Variants in DAB1 observed in about 807,000 individuals in gnomAD.
DAB1 encodes the protein DAB adaptor protein 1, also known as disabled homolog 1.
A neutral mutation model predicts 64.6 loss-of-function variants in DAB1; 15 were observed. The ratio of observed to expected loss-of-function variants is 0.23; its 90% CI spans 0.16 to 0.36. The LOEUF (loss-of-function observed/expected upper bound fraction) is 0.36. Ranked by LOEUF, DAB1 falls within the 10% of genes least tolerant of loss-of-function variation. The pLI, the probability that DAB1 is intolerant of heterozygous loss-of-function variation, is 1.00. For synonymous variants in DAB1, 235 were observed against 251.9 expected, an observed-to-expected ratio of 0.93 and a Z score of 0.64; for missense variants, 596 against 706.7, an observed-to-expected ratio of 0.84 and a Z score of 1.78.
chr1:57,344,643 C>T (rs937837849), intron 1 of DAB1, among the ~76,000 whole-genome samples: 3 of 151,826 alleles, frequency 2.0e-5, no homozygotes, highest in Admixed American at 6.6e-5. Context: ...AAGCAGTATA[C>T]GCAGTTCATG....
intron 5 of DAB1, among the ~76,000 whole-genome samples, chr1:58,026,060 G>A (rs1646890972): frequency 6.6e-6 from 1 of 151,974 alleles, no homozygotes. Flanking sequence ...TTATATCACA[G>A]CCATTTGTGT....
chr1:57,338,001 T>C (rs1156572525), intron 1 of DAB1, among the ~76,000 whole-genome samples: 1 of 151,782 alleles, frequency 6.6e-6, no homozygotes, highest in East Asian at 1.9e-4. Context: ...CTTCTTCTTC[T>C]GAGACAAGGT....
chr1:58,320,564 T>C (rs1363431953), intron 4 of DAB1, among the ~76,000 whole-genome samples: 1 of 152,200 alleles, frequency 6.6e-6, no homozygotes, highest in Admixed American at 6.5e-5. Context: ...TGCAACCAAA[T>C]CACATTCTCA....
chr1:57,792,674 T>G (rs1354747594), intron 6 of DAB1, among the ~76,000 whole-genome samples: 1 of 152,198 alleles, frequency 6.6e-6, no homozygotes, highest in Admixed American at 6.5e-5. Flanking sequence ...TCCTGAAACC[T>G]TATTAATGTT....
intron 1 of DAB1, among the ~76,000 whole-genome samples, chr1:57,853,498 AT>A: frequency 6.6e-6 from 1 of 152,362 alleles, no homozygotes; most frequent in South Asian, 2.1e-4. Context: ...GAAGAAATGC[AT>A]TTAAAATGAA....
chr1:57,437,285 GA>G (rs1298363646), intron 7 of DAB1, among the ~76,000 whole-genome samples: 6 of 152,186 alleles, frequency 3.9e-5, no homozygotes, highest in Admixed American at 3.9e-4. Context: ...GGCCAATGAA[GA>G]GGTCACAACT....
At chr1:58,049,106 A>C (rs1038347738) in intron 5 of DAB1, 2 of 807,626 alleles carry the variant, frequency 2.5e-6, no homozygotes, top group African/African-American at 1.7e-5. Context: ...CCACAGTGGC[A>C]TATGTGACAA....
chr1:57,844,471 A>G (rs573450113), intron 1 of DAB1, among the ~76,000 whole-genome samples: 1 of 152,312 alleles, frequency 6.6e-6, no homozygotes, highest in Admixed American at 6.5e-5. Context: ...AGAAGAAATC[A>G]TTACAGAATT....
Position 57,846,950 on chromosome 1 carries a change from T to C in DAB1, n.88-20495A>G, listed in dbSNP as rs1653315361. ...GAATCTGTCTGGTTTGGGAAATGGT[T>C]GGTAGTGTGACATGCCTGAAGCACA... is the stretch of plus-strand genomic sequence containing the variant. On this transcript the variant is annotated intron_variant and non_coding_transcript_variant, in intron 1 of 1. Coordinates refer to the DAB1 transcript ENST00000477280. Among the ~76,000 whole-genome samples the C allele has an allele frequency of 2.0e-5, 3 of 152,202 alleles. No individual in the cohort carries two copies. The South Asian group carries it at 6.2e-4, about 32-fold the overall frequency.
intron 1 of DAB1, among the ~76,000 whole-genome samples, chr1:57,419,365 A>G (rs141021194): frequency 8.3e-4 from 127 of 152,296 alleles, no homozygotes; most frequent in African/African-American, 3.0e-3. Context: ...CTAGAATTCA[A>G]TCAAAGTCAT....
At chr1:57,956,455 C>T (rs1001636761) in intron 5 of DAB1, among the ~76,000 whole-genome samples, 1 of 152,184 alleles carries the variant, frequency 6.6e-6, no homozygotes, top group Non-Finnish European at 1.5e-5. Flanking sequence ...AAAAAATAGC[C>T]TGATCTCACT....
intron 7 of DAB1, among the ~76,000 whole-genome samples, chr1:57,458,036 A>G (rs1051877164): frequency 2.0e-5 from 3 of 152,154 alleles, no homozygotes; most frequent in African/African-American, 7.2e-5. Flanking sequence ...GCCTGAAAAG[A>G]AAGGTGGTTT....
At chr1:57,161,657 A>G (rs186914093) in intron 2 of DAB1, among the ~76,000 whole-genome samples, 3 of 152,210 alleles carry the variant, frequency 2.0e-5, no homozygotes, top group Admixed American at 2.0e-4. Context: ...TCTTTTAAAC[A>G]AGTGCTTTTT....
chr1:57,011,260 G>A lies in DAB1; in HGVS notation c.1457C>T (p.Ala486Val), dbSNP rs201557324. ...TTTGGATGGAGAGCTCTGTCTAGGG[G>A]CTGGGGTTGGAGCTACACAGAGACC... ...TPSTNSPPTP[A>V]PRQSSPSKSS... is the part of the protein sequence containing the mutation. The change falls in exon 13 of 15, where the codon GCC becomes GTC. Residue 486 changes from alanine to valine, a missense_variant. Ala to Val is a moderately conservative substitution (Grantham distance 64). This residue lies in a region of DAB1 where 377 missense variants were observed against 400.4 expected (regional missense o/e 0.94). Coordinates refer to ENST00000371236, the MANE Select transcript of DAB1 (RefSeq NM_001365792.1). The A allele has an allele frequency of 2.5e-6, 4 of 1,613,964 alleles. No homozygotes were observed. The highest frequency in any genetic ancestry group is 1.6e-4 in the Middle Eastern group (1 of 6,062).
At position 58,044,657 on chromosome 1, in the gene DAB1, G is replaced by T. The variant is rs1357431438; in HGVS notation, n.387+105854C>A. Among the ~76,000 whole-genome samples the T allele has an allele frequency of 2.6e-5, 4 of 152,218 alleles. No homozygotes were observed. In the East Asian group the frequency reaches 7.7e-4, roughly 29 times the overall value. ...TAGCATAGTGGTTAAGGTTACAAAGGTTGTCAGAGAGACCAGACTTCAGAT... is the reference window on the plus strand; with the variant it reads ...TAGCATAGTGGTTAAGGTTACAAAGTTTGTCAGAGAGACCAGACTTCAGAT... On this transcript the variant is annotated intron_variant and non_coding_transcript_variant, in intron 5 of 20. Transcript: ENST00000485760.
chr1:58,533,151 G>A lies in DAB1; in HGVS notation n.33-5816C>T, dbSNP rs1646462717. ...TTTAAAAAATGTGTGAAACAGATGT[G>A]TTATTTTTCCTGGACTTATATCAAG... On this transcript the variant is annotated intron_variant and non_coding_transcript_variant, in intron 1 of 20. Transcript: ENST00000485760. Among the ~76,000 whole-genome samples, 3 of 152,274 alleles carry A rather than the reference G, an allele frequency of 2.0e-5. No individual in the cohort carries two copies. The South Asian group carries it at 6.2e-4, about 32-fold the overall frequency.
At chr1:58,112,628 T>C (rs1171367222) in intron 5 of DAB1, among the ~76,000 whole-genome samples, 2 of 152,228 alleles carry the variant, frequency 1.3e-5, no homozygotes, top group African/African-American at 4.8e-5. Flanking sequence ...TGGATGATAG[T>C]TTGATTTCTG....
At chr1:57,914,537 G>A (rs1030258922) in intron 5 of DAB1, among the ~76,000 whole-genome samples, 7 of 151,872 alleles carry the variant, frequency 4.6e-5, no homozygotes, top group South Asian at 2.1e-4. Flanking sequence ...AAACCTGCAC[G>A]TTGTGCACAT....
At chr1:57,157,923 A>G (rs1035671941) in intron 2 of DAB1, among the ~76,000 whole-genome samples, 13 of 152,212 alleles carry the variant, frequency 8.5e-5, no homozygotes, top group African/African-American at 2.4e-5. Context: ...GAAGGAGGAA[A>G]CGGAGGCACA....
Sources: allele counts gnomAD v4.1 joint callset (sites outside exome capture counted in the v4.1 genomes callset), GRCh38; gene constraint gnomAD v4.1.1; regional missense constraint gnomAD v4.1.1; transcripts MANE v1.5; gene names NCBI Gene and HGNC (gene_info 2026-07-23, HGNC 2026-07-21).